The following HERC2 variants were observed in gnomAD, a reference collection of about 807,000 sequenced individuals.
HERC2 encodes HECT and RLD domain containing E3 ubiquitin protein ligase 2, also known as E3 ubiquitin-protein ligase HERC2.
A neutral mutation model predicts 537.7 loss-of-function variants in HERC2; 102 were observed. The ratio of observed to expected loss-of-function variants is 0.19; its 90% CI spans 0.16 to 0.22. The LOEUF (loss-of-function observed/expected upper bound fraction) is 0.22. HERC2 is among the 10% of genes least tolerant of loss of function. HERC2 has a pLI of 1.00. For synonymous variants in HERC2, 2,224 were observed against 2,466.2 expected (o/e 0.90, Z 2.91); for missense variants, 4,236 against 6,198.2 (o/e 0.68, Z 10.63).
At chr15:28,272,820 A>C in intron 8 of HERC2, 74 bp downstream of exon 8, 1 of 979,042 alleles carries the variant, frequency 1.0e-6, no homozygotes, top group Non-Finnish European at 1.6e-6. Flanking sequence ...GATTCAGTGA[A>C]ACACACACAA....
intron 68 of HERC2, among the ~76,000 whole-genome samples, chr15:28,163,722 C>T (rs2142448820): frequency 6.6e-6 from 1 of 152,238 alleles, no homozygotes; most frequent in African/African-American, 2.4e-5. Flanking sequence ...ATAATTCTTT[C>T]CTGGAATCTT....
intron 22 of HERC2, among the ~76,000 whole-genome samples, 180 bp downstream of exon 22, chr15:28,246,562 C>A (rs1903723896): frequency 6.6e-6 from 1 of 151,590 alleles, no homozygotes; most frequent in Admixed American, 6.6e-5. Flanking sequence ...ATATGAGTCC[C>A]ATACCAGCTG....
At chr15:28,121,512 A>G (rs1888885835) in intron 85 of HERC2, 83 bp from the exon 86 acceptor site, 3 of 1,189,364 alleles carry the variant, frequency 2.5e-6, no homozygotes, top group Non-Finnish European at 3.8e-6. Context: ...GTTTTGTTTA[A>G]AATCTGTGTT....
chr15:28,225,940 G>A (rs1463398979), intron 35 of HERC2, among the ~76,000 whole-genome samples: 1 of 152,144 alleles, frequency 6.6e-6, no homozygotes, highest in Non-Finnish European at 1.5e-5. Flanking sequence ...TAAAGAGATT[G>A]AATCAGTAAT....
At position 28,113,889 on chromosome 15, in the gene HERC2, G is replaced by A. The variant is rs543641300; in HGVS notation, c.13914-211C>T. On this transcript the variant is annotated intron_variant, in intron 90 of 92. Coordinates refer to ENST00000261609, the MANE Select transcript of HERC2 (RefSeq NM_004667.6). The surrounding 1 kb of genome is among the most constrained non-coding windows in gnomAD (Gnocchi z 7.0). ...TCATCTCGTCCAGCCGACAGGGTAC[G>A]GCCTAATGACCACCTACAGCTATGC... Among the ~76,000 whole-genome samples the A allele has an allele frequency of 1.4e-4, 22 of 152,214 alleles. No homozygotes were observed. The highest frequency in any genetic ancestry group is 4.6e-4 in the African/African-American group (19 of 41,526).
chr15:28,263,986 A>G (rs1482454328), intron 14 of HERC2, among the ~76,000 whole-genome samples: 1 of 148,910 alleles, frequency 6.7e-6, no homozygotes, highest in Non-Finnish European at 1.5e-5. Context: ...ACCACTGCAC[A>G]CCAGCCTGGG....
intron 5 of HERC2, among the ~76,000 whole-genome samples, chr15:28,275,899 GCTACT>G (rs1338112206): frequency 6.6e-6 from 1 of 151,990 alleles, no homozygotes; most frequent in Non-Finnish European, 1.5e-5. Flanking sequence ...TTACAGTATT[GCTACT>G]ATAAACTATA....
intron 78 of HERC2, among the ~76,000 whole-genome samples, chr15:28,139,982 C>A (rs1411819145): frequency 6.6e-6 from 1 of 150,734 alleles, no homozygotes; most frequent in Admixed American, 6.6e-5. Flanking sequence ...GTAGGAGAAT[C>A]GCTTGAACCC....
chr15:28,117,189 T>A (rs200741773), intron 86 of HERC2, 35 bp from the exon 87 acceptor site: 58 of 1,609,300 alleles, frequency 3.6e-5, no homozygotes, highest in Non-Finnish European at 4.8e-5. Flanking sequence ...GTGAGGCCGC[T>A]GCCGCAGCAG....
intron 38 of HERC2, among the ~76,000 whole-genome samples, chr15:28,216,619 C>T (rs1186275824): frequency 6.6e-6 from 1 of 151,062 alleles, no homozygotes; most frequent in African/African-American, 2.4e-5. Context: ...CTCACATGCG[C>T]TCACACACAC....
intron 56 of HERC2, among the ~76,000 whole-genome samples, 168 bp from the exon 57 acceptor site, chr15:28,182,680 A>G (rs1411651175): frequency 6.6e-6 from 1 of 151,406 alleles, no homozygotes; most frequent in Non-Finnish European, 1.5e-5. Flanking sequence ...GTACAGGAGT[A>G]AGTCCTCTGG....
intron 23 of HERC2, among the ~76,000 whole-genome samples, chr15:28,240,559 A>G (rs2140733360): frequency 6.6e-6 from 1 of 152,370 alleles, no homozygotes; most frequent in East Asian, 1.9e-4. Context: ...TCTATGTTAG[A>G]AAATTTTCAT....
rs533949762 is a variant in HERC2, at chr15:28,233,833, C to G, written c.4219-37G>C. 15 of 1,609,480 alleles carry G rather than the reference C, an allele frequency of 9.3e-6. 1 individual carries two copies. In the South Asian group the frequency reaches 1.4e-4, roughly 15 times the overall value. On this transcript the variant is annotated intron_variant, in intron 27 of 92. Transcript: ENST00000261609. ...ACAGCTGGAAGTAACTTCAGAGCCA[C>G]CCAGTGAGTCTTCACAAATCTTAAA...
intron 10 of HERC2, among the ~76,000 whole-genome samples, chr15:28,270,132 T>C (rs1051636275): frequency 1.3e-5 from 2 of 152,060 alleles, no homozygotes; most frequent in Non-Finnish European, 2.9e-5. Flanking sequence ...CAGCTAATTT[T>C]TGTATTTTTA....
chr15:28,124,950 A>G (rs923329212), intron 84 of HERC2, 56 bp downstream of exon 84: 1 of 1,500,810 alleles, frequency 6.7e-7, no homozygotes, highest in African/African-American at 1.4e-5. Context: ...AGGATGCAGC[A>G]TGTGACAGGA....
chr15:28,272,256 T>C lies in HERC2; in HGVS notation c.1042A>G (p.Ile348Val), dbSNP rs753784400. The C allele has an allele frequency of 1.2e-6, 2 of 1,611,214 alleles. No individual in the cohort carries two copies. The highest frequency in any genetic ancestry group is 2.7e-5 in the African/African-American group (2 of 74,828). The change falls in exon 9 of 93, where the codon ATT (isoleucine) becomes GTT (valine). Residue 348 changes from isoleucine (I) to valine (V), a missense_variant. By Grantham distance (29) the Ile-to-Val change is conservative. This residue lies in a region of HERC2 where 491 missense variants were observed against 559.3 expected (regional missense o/e 0.88). Coordinates refer to ENST00000261609, the MANE Select transcript of HERC2 (RefSeq NM_004667.6). ...LPLLQRFQSIICRKDAPHSEG... is the reference protein window; with the variant it reads ...LPLLQRFQSIVCRKDAPHSEG... ...GAGTGGGGTGCATCCTTCCTGCAAA[T>C]GATGCTCTGGAACCTTTGCAGCAAG...
intron 2 of HERC2, among the ~76,000 whole-genome samples, chr15:28,306,891 G>A (rs938870657): frequency 2.6e-5 from 4 of 152,162 alleles, no homozygotes; most frequent in African/African-American, 7.2e-5. Context: ...CTGGAGTGCA[G>A]TAACATGATC....
rs377666529 is a variant in HERC2, at chr15:28,142,830, A to G, written c.11541T>C (p.Phe3847=). 1.3e-6 allele frequency: 2 copies of G among 1,542,332 alleles called. No homozygotes were observed. Among genetic ancestry groups the G allele is most frequent in the Admixed American group, 2.0e-5 (1 of 49,504 alleles). ...GGKQLLHSPF[F]KVLVALACDL... Reference sequence around the variant, plus strand: ...TAAAAAAGAAGTGAAACATTACCTTAAAGAATGGGCTGTGGAGCAGCTGTT... The same window carrying G: ...TAAAAAAGAAGTGAAACATTACCTTGAAGAATGGGCTGTGGAGCAGCTGTT... Residue 3847 remains phenylalanine (F), a synonymous_variant, in exon 75 of 93, where the codon TTT becomes TTC. Coordinates refer to ENST00000261609, the MANE Select transcript of HERC2 (RefSeq NM_004667.6).
intron 2 of HERC2, among the ~76,000 whole-genome samples, chr15:28,316,306 TTAC>T: frequency 6.6e-6 from 1 of 151,700 alleles, no homozygotes; most frequent in East Asian, 1.9e-4. Context: ...ATAACTAGTA[TTAC>T]TAGTCTTTTC....
Sources: gnomAD v4.1 joint callset for allele counts (sites outside exome capture counted in the v4.1 genomes callset) on GRCh38, gnomAD v4.1.1 for gene constraint, gnomAD v4.1.1 regional missense constraint, Gnocchi (gnomAD v3.1) non-coding constraint, MANE v1.5 for transcripts, NCBI Gene and HGNC (gene_info 2026-07-23, HGNC 2026-07-21) for gene names.